The following ARID4B variants were observed in gnomAD, a reference collection of about 807,000 sequenced individuals.
ARID4B encodes the protein AT-rich interaction domain 4B.
In ARID4B, 26 loss-of-function variants were observed where a neutral mutation model predicts 147.5. That is an observed-to-expected ratio of 0.18 (90% CI 0.13 to 0.24). ARID4B has a LOEUF of 0.24. Ranked by LOEUF, ARID4B falls within the 10% of genes least tolerant of loss-of-function variation. The probability of loss-of-function intolerance (pLI) is 1.00; values close to 1 mark genes in which losing one functional copy is unlikely to be tolerated. For missense variants in ARID4B, 1,179 were observed against 1,511.5 expected (o/e 0.78, Z 3.65); for synonymous variants, 512 against 507.9 (o/e 1.01, Z -0.11).
chr1:235,269,533 C>A (rs1198903685), intron 2 of ARID4B, among the ~76,000 whole-genome samples: 1 of 152,098 alleles, frequency 6.6e-6, no homozygotes, highest in East Asian at 1.9e-4. Context: ...CACTGGAGTA[C>A]AATGGGTGAC....
intron 7 of ARID4B, among the ~76,000 whole-genome samples, chr1:235,241,853 T>A (rs1426875679): frequency 6.6e-6 from 1 of 152,142 alleles, no homozygotes. Flanking sequence ...TTAAGCTTTT[T>A]AAAGTGACAT....
At chr1:235,260,573 C>T (rs1449501547) in intron 3 of ARID4B, 69 bp downstream of exon 3, 2 of 1,175,846 alleles carry the variant, frequency 1.7e-6, no homozygotes, top group Admixed American at 2.8e-5. Context: ...ATCTTAAATA[C>T]ACTCACCAAA....
rs750063595 is a variant in ARID4B, at chr1:235,255,705, C to T, written c.229G>A (p.Glu77Lys). 2 of 1,612,440 alleles carry T rather than the reference C, an allele frequency of 1.2e-6. No homozygotes were observed. The highest frequency in any genetic ancestry group is 1.7e-4 in the Middle Eastern group (1 of 6,060). The stretch of plus-strand genomic sequence containing the variant: ...TCTGTTAGTTTATTGATAACAGCTT[C>T]CTGATATGCACCATCAAGATTCTTC... ...EVKNLDGAYQ[E>K]AVINKLTDAS... is the part of the protein sequence containing the mutation. Residue 77 changes from glutamate (E) to lysine (K), a missense_variant, in exon 5 of 24, where the codon GAA becomes AAA. Physicochemically the swap from Glu to Lys is moderately conservative, Grantham distance 56. This residue lies in a region of ARID4B where 56 missense variants were observed against 99.2 expected (regional missense o/e 0.56). Transcript: ENST00000264183.
chr1:235,217,708 G>A (rs951184587), intron 16 of ARID4B, among the ~76,000 whole-genome samples: 3 of 152,168 alleles, frequency 2.0e-5, no homozygotes, highest in African/African-American at 7.2e-5. Context: ...GACAATGGAA[G>A]AAGGACACTG....
intron 20 of ARID4B, chr1:235,181,351 G>T: frequency 1.5e-6 from 1 of 663,070 alleles, no homozygotes; most frequent in Non-Finnish European, 2.4e-6. Flanking sequence ...CATGTGTTCT[G>T]GTCCACAATA....
At chr1:235,233,307 T>TACTA (rs1393908104) in intron 9 of ARID4B, among the ~76,000 whole-genome samples, 1 of 151,884 alleles carries the variant, frequency 6.6e-6, no homozygotes, top group Non-Finnish European at 1.5e-5. Context: ...AATAGCCAGG[T>TACTA]GTAGTCCCAG....
intron 21 of ARID4B, among the ~76,000 whole-genome samples, chr1:235,176,307 A>G (rs1663863135): frequency 6.6e-6 from 1 of 152,022 alleles, no homozygotes; most frequent in South Asian, 2.1e-4. Context: ...TCATTTAAAT[A>G]GTAAACTCTT....
chr1:235,186,256 C>T lies in ARID4B; in HGVS notation c.2126-3463G>A, dbSNP rs1236888457. On this transcript the variant is annotated intron_variant, in intron 19 of 23. Coordinates refer to ENST00000264183, the MANE Select transcript of ARID4B (RefSeq NM_016374.6). ...TGCAGGGATTATAGGCGTGAGCCAC[C>T]GCGCCTGGCCTCTCTCCTCTGTTTT... is the stretch of plus-strand genomic sequence containing the variant. Among the ~76,000 whole-genome samples, 6 of 151,876 alleles carry T rather than the reference C, an allele frequency of 4.0e-5. No homozygotes were observed. In the South Asian group the frequency reaches 8.3e-4, roughly 21 times the overall value.
intron 2 of ARID4B, among the ~76,000 whole-genome samples, chr1:235,269,810 T>C (rs916152305): frequency 6.6e-6 from 1 of 152,134 alleles, no homozygotes; most frequent in African/African-American, 2.4e-5. Context: ...TACAGCAAAT[T>C]TGGAATTATT....
chr1:235,258,822 T>C (rs1166909549), intron 3 of ARID4B, among the ~76,000 whole-genome samples: 2 of 152,246 alleles, frequency 1.3e-5, no homozygotes, highest in Admixed American at 6.5e-5. Context: ...ACTTAAACTA[T>C]AAGCTACTTA....
intron 2 of ARID4B, among the ~76,000 whole-genome samples, chr1:235,300,286 G>A (rs753557817): frequency 2.6e-5 from 4 of 151,956 alleles, no homozygotes; most frequent in Admixed American, 6.6e-5. Flanking sequence ...GTGGGGTGGC[G>A]GGTGCCTGCA....
intron 2 of ARID4B, among the ~76,000 whole-genome samples, chr1:235,307,272 C>T (rs910132357): frequency 2.0e-5 from 3 of 152,020 alleles, no homozygotes; most frequent in African/African-American, 7.2e-5. Flanking sequence ...AGTGAGGCCA[C>T]AGCACTACAA....
intron 5 of ARID4B, 87 bp from the exon 6 acceptor site, chr1:235,252,896 A>T (rs1669731284): frequency 9.9e-7 from 1 of 1,013,794 alleles, no homozygotes; most frequent in Non-Finnish European, 1.5e-6. Context: ...CTGAGTGCAA[A>T]CAGATCTACT....
chr1:235,284,265 C>A (rs1323872176), intron 2 of ARID4B, among the ~76,000 whole-genome samples: 2 of 152,076 alleles, frequency 1.3e-5, no homozygotes. Flanking sequence ...GAGGCTGAGG[C>A]AGAAGAATCG....
intron 2 of ARID4B, among the ~76,000 whole-genome samples, chr1:235,295,448 T>G (rs1253941428): frequency 6.7e-6 from 1 of 148,778 alleles, no homozygotes; most frequent in African/African-American, 2.5e-5. Context: ...AGGCAGAGGT[T>G]GTAGTGAGCC....
At chr1:235,224,797 T>A in intron 11 of ARID4B, 22 bp from the exon 12 acceptor site, 1 of 1,459,636 alleles carries the variant, frequency 6.9e-7, no homozygotes, top group Non-Finnish European at 9.5e-7. Flanking sequence ...CACAGAAGAA[T>A]ATTATTTTCT....
rs375808079 is a variant in ARID4B, at chr1:235,213,899, G to T, written c.1711C>A (p.Pro571Thr). The change falls in exon 17 of 24, where the codon CCA (proline) becomes ACA (threonine). Residue 571 changes from proline (P) to threonine (T), a missense_variant. Around this residue, in one of 10 missense-constraint regions of ARID4B, gnomAD observed 204 missense variants for 210.9 expected, o/e 0.97. Coordinates refer to ENST00000264183, the MANE Select transcript of ARID4B (RefSeq NM_016374.6). Reference protein sequence around the residue: ...NEEEEFECYPPGMKVQVRYGR... With the variant: ...NEEEEFECYPTGMKVQVRYGR... ...TACCGCACTTGGACTTTCATGCCTG[G>T]TGGATAGCACTCAAACTCCTCTTCC... The T allele has an allele frequency of 2.5e-5, 41 of 1,613,818 alleles. No individual in the cohort carries two copies. The highest frequency in any genetic ancestry group is 5.1e-6 in the Non-Finnish European group (6 of 1,179,968).
intron 16 of ARID4B, among the ~76,000 whole-genome samples, chr1:235,214,836 C>CTTT: frequency 2.0e-5 from 1 of 49,658 alleles, no homozygotes; most frequent in South Asian, 1.4e-3. Context: ...AGTATTACAT[C>CTTT]CTTTTTTTTT....
intron 2 of ARID4B, among the ~76,000 whole-genome samples, chr1:235,318,168 C>CTTTTTTT (rs372816686): frequency 8.9e-6 from 1 of 111,986 alleles, no homozygotes; most frequent in Non-Finnish European, 1.7e-5. Flanking sequence ...CTTGCTACTC[C>CTTTTTTT]TTTTTTTTTT....
Sources: allele counts gnomAD v4.1 joint callset (sites outside exome capture counted in the v4.1 genomes callset), GRCh38; gene constraint gnomAD v4.1.1; regional missense constraint gnomAD v4.1.1; transcripts MANE v1.5; gene names NCBI Gene and HGNC (gene_info 2026-07-23, HGNC 2026-07-21).